GRID2: variants seen among roughly 807,000 people sequenced by gnomAD.
GRID2 encodes the protein glutamate ionotropic receptor delta type subunit 2, also known as glutamate receptor ionotropic, delta-2.
Under a neutral mutation model 114.8 loss-of-function variants are expected in GRID2, and 33 were observed. The ratio of observed to expected loss-of-function variants is 0.29; its 90% confidence interval spans 0.22 to 0.38. The LOEUF (loss-of-function observed/expected upper bound fraction) is 0.38, where lower values mean the gene tolerates loss of function less well. GRID2 is among the 10% of genes least tolerant of loss of function. GRID2 has a pLI of 1.00. For synonymous variants in GRID2, 505 were observed against 449.9 expected, an observed-to-expected ratio of 1.12 and a Z score of -1.55; for missense variants, 1,184 against 1,257.7, an observed-to-expected ratio of 0.94 and a Z score of 0.89.
chr4:93,397,908 T>C (rs540023284), intron 9 of GRID2, among the ~76,000 whole-genome samples: 48 of 151,708 alleles, frequency 3.2e-4, no homozygotes, highest in Non-Finnish European at 5.9e-4. Context: ...TTTTTCCTAA[T>C]ATTTTTGAGC....
At position 93,246,058 on chromosome 4, in the gene GRID2, T is replaced by C. The variant is rs569284612; in HGVS notation, c.1245+7568T>C. Among the ~76,000 whole-genome samples, 9 of 152,314 alleles carry C rather than the reference T, an allele frequency of 5.9e-5. No homozygotes were observed. In the South Asian group the frequency reaches 1.9e-3, roughly 32 times the overall value. On this transcript the variant is annotated intron_variant, in intron 8 of 15. Coordinates refer to ENST00000282020, the MANE Select transcript of GRID2 (RefSeq NM_001510.4). ...ACACTAACTTTTTTGTTTCATTTAA[T>C]GTCCTTTATGGCTCCAAAATTCTAC... is the stretch of plus-strand genomic sequence containing the variant.
rs146902825 is a variant in GRID2, at chr4:92,745,990, G to A, written c.244+155704G>A. On this transcript the variant is annotated intron_variant, in intron 2 of 15. Coordinates refer to ENST00000282020, the MANE Select transcript of GRID2 (RefSeq NM_001510.4). ...ACTGCTGAACAAAGCTTCCCAAAGC[G>A]CTGCATTTTCTCAGTTTTTCCTTAC... 3.5e-3 allele frequency among the ~76,000 whole-genome samples: 531 copies of A among 152,130 alleles called. 8 individuals are homozygous for A. The highest frequency in any genetic ancestry group is 0.012 in the African/African-American group (497 of 41,554).
chr4:93,579,703 C>T (rs542555785), intron 13 of GRID2, among the ~76,000 whole-genome samples: 1 of 152,092 alleles, frequency 6.6e-6, no homozygotes, highest in South Asian at 2.1e-4. Context: ...TCTCAGTGAG[C>T]CTGCATTTGT....
At chr4:92,442,080 A>G (rs1269350935) in intron 1 of GRID2, among the ~76,000 whole-genome samples, 1 of 151,014 alleles carries the variant, frequency 6.6e-6, no homozygotes, top group East Asian at 1.9e-4. Context: ...GGCAAGGGAA[A>G]CAGGCCCTTG....
intron 13 of GRID2, among the ~76,000 whole-genome samples, chr4:93,527,695 T>C (rs1731048187): frequency 6.6e-6 from 1 of 152,150 alleles, no homozygotes; most frequent in South Asian, 2.1e-4. Flanking sequence ...TTATTTATTT[T>C]TTAAAATTAT....
At chr4:92,621,813 T>G (rs1417993025) in intron 2 of GRID2, among the ~76,000 whole-genome samples, 1 of 151,916 alleles carries the variant, frequency 6.6e-6, no homozygotes, top group East Asian at 1.9e-4. Context: ...AGAATTTTTC[T>G]TCAAAGTTTG....
chr4:92,356,448 T>C (rs1728326397), intron 1 of GRID2, among the ~76,000 whole-genome samples: 1 of 151,570 alleles, frequency 6.6e-6, no homozygotes, highest in African/African-American at 2.4e-5. Context: ...GCATTCCTTA[T>C]ATATTAAAAA....
At chr4:92,980,724 T>C (rs1205323835) in intron 2 of GRID2, among the ~76,000 whole-genome samples, 2 of 152,084 alleles carry the variant, frequency 1.3e-5, no homozygotes, top group Non-Finnish European at 2.9e-5. Context: ...ATCAATGATA[T>C]AAAAACTGAG....
intron 2 of GRID2, among the ~76,000 whole-genome samples, chr4:93,053,801 A>G (rs763237270): frequency 2.0e-5 from 3 of 151,992 alleles, no homozygotes; most frequent in Non-Finnish European, 4.4e-5. Context: ...ACTGGATAAT[A>G]CTGGGAAAGG....
intron 12 of GRID2, among the ~76,000 whole-genome samples, chr4:93,495,600 T>C (rs1254191152): frequency 6.6e-6 from 1 of 151,770 alleles, no homozygotes; most frequent in Non-Finnish European, 1.5e-5. Flanking sequence ...AAGACAACTT[T>C]ATCTCTGGAG....
At chr4:92,395,495 G>C (rs969122456) in intron 1 of GRID2, among the ~76,000 whole-genome samples, 1 of 151,556 alleles carries the variant, frequency 6.6e-6, no homozygotes, top group African/African-American at 2.4e-5. Flanking sequence ...ATAATTATCT[G>C]TAATGGTTTA....
intron 11 of GRID2, among the ~76,000 whole-genome samples, chr4:93,470,263 A>G (rs972362669): frequency 2.0e-5 from 3 of 152,184 alleles, no homozygotes; most frequent in Non-Finnish European, 2.9e-5. Context: ...AATTATATAC[A>G]GTACATATTT....
At chr4:93,148,286 C>T (rs1736433757) in intron 4 of GRID2, among the ~76,000 whole-genome samples, 1 of 152,082 alleles carries the variant, frequency 6.6e-6, no homozygotes, top group Admixed American at 6.6e-5. Context: ...AACACTACTG[C>T]CAACTTCATA....
At chr4:92,568,992 G>C (rs906005903) in intron 1 of GRID2, among the ~76,000 whole-genome samples, 4 of 151,666 alleles carry the variant, frequency 2.6e-5, no homozygotes, top group African/African-American at 9.7e-5. Flanking sequence ...TAAGTTAAAG[G>C]GTACATGTGC....
At chr4:93,661,731 A>G (rs1471069766) in intron 14 of GRID2, among the ~76,000 whole-genome samples, 2 of 152,164 alleles carry the variant, frequency 1.3e-5, no homozygotes, top group African/African-American at 2.4e-5. Context: ...GATTTTATGG[A>G]CTATCACTAC....
intron 13 of GRID2, among the ~76,000 whole-genome samples, chr4:93,590,859 CTGT>C (rs1421980890): frequency 6.7e-6 from 1 of 149,192 alleles, no homozygotes; most frequent in Non-Finnish European, 1.5e-5. Flanking sequence ...CTCTGTTTGT[CTGT>C]TGTTGGTGTA....
At chr4:93,312,317 G>A (rs374287600) in intron 8 of GRID2, among the ~76,000 whole-genome samples, 20 of 152,218 alleles carry the variant, frequency 1.3e-4, no homozygotes, top group South Asian at 6.2e-4. Flanking sequence ...ACTCCAAGGC[G>A]AAGAGTTACG....
At chr4:93,102,461 G>T (rs1055067915) in intron 3 of GRID2, among the ~76,000 whole-genome samples, 2 of 152,012 alleles carry the variant, frequency 1.3e-5, no homozygotes, top group African/African-American at 4.8e-5. Context: ...ATCAACTTTA[G>T]GGATGAATCA....
chr4:92,453,822 T>A (rs997744462), intron 1 of GRID2, among the ~76,000 whole-genome samples: 5 of 152,198 alleles, frequency 3.3e-5, no homozygotes, highest in Admixed American at 6.5e-5. Context: ...TGAGATTTTT[T>A]AAATATAATG....
Sources: gnomAD v4.1 joint callset for allele counts (sites outside exome capture counted in the v4.1 genomes callset) on GRCh38, gnomAD v4.1.1 for gene constraint, MANE v1.5 for transcripts, NCBI Gene and HGNC (gene_info 2026-07-23, HGNC 2026-07-21) for gene names.